The following EPRS1 variants were observed in gnomAD, a reference collection of about 807,000 sequenced individuals.
EPRS1 encodes the protein glutamyl-prolyl-tRNA synthetase 1.
Under a neutral mutation model 188.3 loss-of-function variants are expected in EPRS1, and 107 were observed. That is an observed-to-expected ratio of 0.57 (90% CI 0.49 to 0.67). The LOEUF (loss-of-function observed/expected upper bound fraction) is 0.67. EPRS1 is among the 30% of genes least tolerant of loss of function. The pLI is 0.00. For synonymous variants in EPRS1, 596 were observed against 593.1 expected (o/e 1.00, Z -0.07); for missense variants, 1,577 against 1,802.2 (o/e 0.88, Z 2.26).
intron 15 of EPRS1, 45 bp from the exon 16 acceptor site, chr1:220,005,405 G>T: frequency 1.0e-6 from 1 of 987,054 alleles, no homozygotes; most frequent in Non-Finnish European, 1.5e-6. Flanking sequence ...CAAAATCATA[G>T]TAGTAAAATA....
intron 21 of EPRS1, among the ~76,000 whole-genome samples, chr1:219,983,806 T>C (rs1483903388): frequency 6.6e-6 from 1 of 151,194 alleles, no homozygotes; most frequent in Non-Finnish European, 1.5e-5. Context: ...GGCAGGAGAA[T>C]TGCTTGAACC....
chr1:220,020,292 C>A, intron 9 of EPRS1, 71 bp from the exon 10 acceptor site: 1 of 935,096 alleles, frequency 1.1e-6, no homozygotes, highest in Non-Finnish European at 1.6e-6. Flanking sequence ...TTATAAACAA[C>A]AATACTAATT....
chr1:219,981,483 A>C (rs922642724), intron 23 of EPRS1, 26 bp from the exon 24 acceptor site: 2 of 1,476,518 alleles, frequency 1.4e-6, no homozygotes, highest in South Asian at 2.5e-5. Flanking sequence ...AAATAGAGAC[A>C]GTCATTTAAG....
At chr1:220,015,116 C>T (rs768026068) in intron 12 of EPRS1, among the ~76,000 whole-genome samples, 1 of 152,074 alleles carries the variant, frequency 6.6e-6, no homozygotes, top group Admixed American at 6.5e-5. Flanking sequence ...CCAAGAGGCC[C>T]AACATCTTCC....
At chr1:219,978,848 T>C in intron 27 of EPRS1, 129 bp from the exon 28 acceptor site, 1 of 622,304 alleles carries the variant, frequency 1.6e-6, no homozygotes, top group South Asian at 2.5e-5. Context: ...TAATCTTATA[T>C]ATAATGTCTA....
At chr1:220,030,171 C>T (rs1462441511) in intron 6 of EPRS1, among the ~76,000 whole-genome samples, 2 of 152,128 alleles carry the variant, frequency 1.3e-5, no homozygotes, top group Non-Finnish European at 2.9e-5. Flanking sequence ...TAAAATGTCT[C>T]TTTTACTAAG....
At chr1:220,029,152 A>T (rs1016893170) in intron 6 of EPRS1, among the ~76,000 whole-genome samples, 2 of 152,194 alleles carry the variant, frequency 1.3e-5, no homozygotes, top group Admixed American at 6.5e-5. Context: ...ACTATCCAAC[A>T]GGACAATCAT....
intron 9 of EPRS1, 84 bp downstream of exon 9, chr1:220,022,259 TTGAC>T (rs1347065967): frequency 8.5e-7 from 1 of 1,179,644 alleles, no homozygotes; most frequent in Non-Finnish European, 1.2e-6. Context: ...GCCAGGTTTC[TTGAC>T]TATTTTGCTT....
At chr1:220,007,035 T>TA (rs1465048078) in intron 14 of EPRS1, among the ~76,000 whole-genome samples, 167 bp downstream of exon 14, 1 of 152,220 alleles carries the variant, frequency 6.6e-6, no homozygotes, top group African/African-American at 2.4e-5. Context: ...AACTGAAAGA[T>TA]ATATGGAAAA....
chr1:220,018,223 C>A, intron 12 of EPRS1: 1 of 1,220,540 alleles, frequency 8.2e-7, no homozygotes, highest in Non-Finnish European at 1.1e-6. Flanking sequence ...CCCATAATTC[C>A]AAGTTTGTTT....
chr1:220,000,367 G>A (rs78148817), intron 17 of EPRS1, among the ~76,000 whole-genome samples: 3,498 of 152,162 alleles, frequency 0.023, 74 homozygotes, highest in East Asian at 0.067. Flanking sequence ...CTTTTAAAGG[G>A]GATCTGCAAA....
chr1:219,981,314 CT>C, intron 24 of EPRS1, 63 bp downstream of exon 24: 8 of 1,038,638 alleles, frequency 7.7e-6, no homozygotes, highest in South Asian at 3.7e-5. Context: ...ACAAAATGTG[CT>C]TTAAAAAAAA....
chr1:220,040,139 A>C, intron 2 of EPRS1, 46 bp downstream of exon 2: 1 of 1,300,532 alleles, frequency 7.7e-7, no homozygotes, highest in Non-Finnish European at 1.1e-6. Context: ...TCTAAAAAAA[A>C]GAAAAAGCCA....
chr1:219,994,640 CTTTTTTTTTTTTTTTTTTTTT>C (rs71169424), intron 18 of EPRS1, among the ~76,000 whole-genome samples: 18 of 109,500 alleles, frequency 1.6e-4, no homozygotes, highest in Admixed American at 2.9e-4. Flanking sequence ...GTAACTTCTT[CTTTTTTTTTTTTTTTTTTTTT>C]TTTTTTTTTG....
intron 1 of EPRS1, among the ~76,000 whole-genome samples, chr1:220,041,376 G>A (rs557380085): frequency 6.6e-6 from 1 of 151,826 alleles, no homozygotes; most frequent in South Asian, 2.1e-4. Flanking sequence ...TTACAGAATA[G>A]GAAAGTAACG....
chr1:219,978,635 T>C lies in EPRS1; in HGVS notation c.3994A>G (p.Arg1332Gly), dbSNP rs1216744218. 1 of 1,612,856 alleles carries C rather than the reference T, an allele frequency of 6.2e-7. No individual in the cohort carries two copies. Among genetic ancestry groups the C allele is most frequent in the Non-Finnish European group, 8.5e-7 (1 of 1,179,264 alleles). The change falls in exon 28 of 32, where the codon AGG (arginine) becomes GGG (glycine). Residue 1332 changes from arginine (R) to glycine (G), a missense_variant. Arg to Gly is a moderately radical substitution (Grantham distance 125). Around this residue, in one of 3 missense-constraint regions of EPRS1, gnomAD observed 296 missense variants for 327.9 expected, o/e 0.90. Transcript: ENST00000366923. ...CGGATGTTAACACTGAGTAATCGCC[T>C]TCGATAATCATTGCATTTTGCAATC... ...ALIAKCNDYR[R>G]RLLSVNIRVR...
intron 1 of EPRS1, among the ~76,000 whole-genome samples, chr1:220,043,886 T>G (rs1489910277): frequency 6.6e-6 from 1 of 152,208 alleles, no homozygotes; most frequent in African/African-American, 2.4e-5. Flanking sequence ...TACGGGATTT[T>G]GATCTCAACA....
intron 30 of EPRS1, among the ~76,000 whole-genome samples, chr1:219,969,854 T>C (rs1037200417): frequency 6.6e-6 from 1 of 152,170 alleles, no homozygotes; most frequent in African/African-American, 2.4e-5. Context: ...ACAGTCTTAC[T>C]CTGTCACCCA....
Position 220,024,381 on chromosome 1 carries a change from T to C in EPRS1, c.826A>G (p.Ile276Val), listed in dbSNP as rs978110754. Reference sequence around the variant, plus strand: ...ATTAGCTTCTCTGCATACTTCATTATAGTTTCAAAATGATCCGAAGTATAA... The same window carrying C: ...ATTAGCTTCTCTGCATACTTCATTACAGTTTCAAAATGATCCGAAGTATAA... Reference protein sequence around the residue: ...FTYTSDHFETIMKYAEKLIQE... With the variant: ...FTYTSDHFETVMKYAEKLIQE... The change falls in exon 8 of 32, where the codon ATA (isoleucine) becomes GTA (valine). Residue 276 changes from isoleucine (I) to valine (V), a missense_variant. Coordinates refer to ENST00000366923, the MANE Select transcript of EPRS1 (RefSeq NM_004446.3). 1.4e-5 allele frequency: 23 copies of C among 1,612,074 alleles called. No homozygotes were observed. Among genetic ancestry groups the C allele is most frequent in the Non-Finnish European group, 1.8e-5 (21 of 1,178,592 alleles).
Sources: allele counts gnomAD v4.1 joint callset (sites outside exome capture counted in the v4.1 genomes callset), GRCh38; gene constraint gnomAD v4.1.1; regional missense constraint gnomAD v4.1.1; transcripts MANE v1.5; gene names NCBI Gene and HGNC (gene_info 2026-07-23, HGNC 2026-07-21).